Variants in ZGRF1 observed in about 807,000 individuals in gnomAD.
ZGRF1 encodes the protein zinc finger GRF-type containing 1.
A neutral mutation model predicts 203.5 loss-of-function variants in ZGRF1; 196 were observed. The observed-to-expected ratio is 0.96, with a 90% CI of 0.86 to 1.08. The LOEUF is 1.08. Ranked by LOEUF, ZGRF1 falls within the 50% of genes least tolerant of loss-of-function variation. The probability of loss-of-function intolerance (pLI) is 0.00; values close to 1 mark genes in which losing one functional copy is unlikely to be tolerated. For synonymous variants in ZGRF1, 809 were observed against 841.3 expected (o/e 0.96, Z 0.66); for missense variants, 2,326 against 2,416.3 (o/e 0.96, Z 0.78).
intron 16 of ZGRF1, among the ~76,000 whole-genome samples, chr4:112,567,395 G>A (rs777722830): frequency 1.6e-4 from 25 of 151,968 alleles, no homozygotes; most frequent in Non-Finnish European, 3.2e-4. Flanking sequence ...ATATAGAAAA[G>A]GGAAAGCCAG....
In ZGRF1 at chr4:112,631,938, CTAAG is replaced by C. The variant is rs1299309220; in HGVS notation, c.90_93del (p.His30GlnfsTer25). The stretch of plus-strand genomic sequence containing the variant: ...AACTGCTTTGTACTCACTTTGTTTC[CTAAG>C]TGAGTGATCTTCAGAATTCCATCTT... On this transcript the variant is annotated frameshift_variant, in exon 3 of 28. Transcript: ENST00000505019. LOFTEE classifies it high-confidence loss of function. 6.3e-7 allele frequency: 1 copy of C among 1,592,940 alleles called. No individual in the cohort carries two copies. The highest frequency in any genetic ancestry group is 1.2e-5 in the South Asian group (1 of 86,268).
chr4:112,585,773 T>C (rs751634686), intron 13 of ZGRF1, 48 bp from the exon 14 acceptor site: 12 of 1,437,980 alleles, frequency 8.3e-6, no homozygotes, highest in Non-Finnish European at 1.1e-5. Context: ...CAAAATAATT[T>C]TGTTTGTATC....
Position 112,560,982 on chromosome 4 carries a change from T to C in ZGRF1, c.4711A>G (p.Ile1571Val), listed in dbSNP as rs73841072. Residue 1571 changes from isoleucine (I) to valine (V), a missense_variant, in exon 19 of 28, where the codon ATA becomes GTA. Physicochemically the swap from Ile to Val is conservative, Grantham distance 29. Transcript: ENST00000505019. ...TTACTGACTCTTTTGTTACTAACTA[T>C]AGTTGGCGAAGACCTAATAAAAATG... ...QYLLTTSSPT[I>V]VSNKRVSKRK... is the part of the protein sequence containing the mutation. The C allele has an allele frequency of 8.6e-4, 1,387 of 1,608,590 alleles. 6 individuals carry two copies. The African/African-American group carries it at 0.014, about 16-fold the overall frequency.
intron 16 of ZGRF1, chr4:112,565,511 A>T (rs1237278543): frequency 1.6e-6 from 1 of 618,836 alleles, no homozygotes; most frequent in Non-Finnish European, 2.8e-6. Flanking sequence ...TGGGGTCAAA[A>T]AAAGAGCTTC....
chr4:112,571,094 C>A, intron 16 of ZGRF1, among the ~76,000 whole-genome samples: 1 of 128,378 alleles, frequency 7.8e-6, no homozygotes. Context: ...CAGAGCCAGA[C>A]TGCATTTCAA....
chr4:112,554,496 G>A (rs1028418450), intron 21 of ZGRF1, among the ~76,000 whole-genome samples: 2 of 152,074 alleles, frequency 1.3e-5, no homozygotes, highest in Non-Finnish European at 2.9e-5. Flanking sequence ...ATACTATGCA[G>A]CCACAAAAAA....
In ZGRF1 at chr4:112,617,841, C is replaced by T; in HGVS notation, c.2201G>A (p.Ser734Asn). ...DEHVLPSTSS[S>N]DNSVQLLNTN... ...ATTTAATAGTTGGACACTGTTGTCA[C>T]TACTAGAAGTTGAGGGTAAAACATG... The change falls in exon 6 of 28, where the codon AGT becomes AAT. Residue 734 changes from serine to asparagine, a missense_variant. By Grantham distance (46) the Ser-to-Asn change is conservative. Coordinates refer to ENST00000505019, the MANE Select transcript of ZGRF1 (RefSeq NM_018392.5). 6.2e-7 allele frequency: 1 copy of T among 1,614,050 alleles called. No homozygotes were observed. Among genetic ancestry groups the T allele is most frequent in the Non-Finnish European group, 8.5e-7 (1 of 1,179,976 alleles).
At position 112,618,665 on chromosome 4, in the gene ZGRF1, A is replaced by T. The variant is rs751455765; in HGVS notation, c.1377T>A (p.Ala459=). 2.5e-6 allele frequency: 4 copies of T among 1,612,926 alleles called. No homozygotes were observed. The Admixed American group carries it at 6.7e-5, about 27-fold the overall frequency. Reference sequence around the variant, plus strand: ...GTGTTCCACATGTATTTACCTCCTGAGCATTTTCTTTAATGAGAACTGATC... The same window carrying T: ...GTGTTCCACATGTATTTACCTCCTGTGCATTTTCTTTAATGAGAACTGATC... ...IKGSVLIKEN[A]QEVNTCGTLE... Residue 459 remains alanine, a synonymous_variant, in exon 6 of 28, where the codon GCT becomes GCA. Coordinates refer to ENST00000505019, the MANE Select transcript of ZGRF1 (RefSeq NM_018392.5).
chr4:112,542,167 C>T (rs1395228944), intron 24 of ZGRF1, among the ~76,000 whole-genome samples: 1 of 152,048 alleles, frequency 6.6e-6, no homozygotes, highest in Admixed American at 6.6e-5. Flanking sequence ...CATGGTAAAA[C>T]CCCGTCTCTA....
chr4:112,632,091 C>A lies in ZGRF1; in HGVS notation c.22-81G>T, dbSNP rs574715812. The A allele has an allele frequency of 3.1e-5, 18 of 588,596 alleles. 1 individual carries two copies. In the South Asian group the frequency reaches 4.4e-4, roughly 14 times the overall value. The allele number at this position is 588,596 out of a possible 1,614,324, so 36.5% of individuals were successfully genotyped here. A position where few individuals can be genotyped will look rare whatever the true frequency, so the allele number is the denominator to read the frequency against. On this transcript the variant is annotated intron_variant, in intron 2 of 27. Transcript: ENST00000505019. The stretch of plus-strand genomic sequence containing the variant: ...GTATTTTATATATCCTTCCTACATA[C>A]AAAATATATTTAAGGCACCTTTCAT...
intron 7 of ZGRF1, among the ~76,000 whole-genome samples, chr4:112,612,185 C>G (rs1376220138): frequency 6.6e-6 from 1 of 152,082 alleles, no homozygotes; most frequent in Non-Finnish European, 1.5e-5. Context: ...AGGCTGGTCT[C>G]GAATTCCTGA....
intron 24 of ZGRF1, among the ~76,000 whole-genome samples, chr4:112,543,739 G>T (rs563221776): frequency 6.6e-6 from 1 of 152,306 alleles, no homozygotes; most frequent in Non-Finnish European, 1.5e-5. Context: ...ATGGTTGGGG[G>T]ACAGGAGGAG....
chr4:112,569,716 A>T (rs1743857737), intron 16 of ZGRF1, among the ~76,000 whole-genome samples: 1 of 152,236 alleles, frequency 6.6e-6, no homozygotes, highest in Non-Finnish European at 1.5e-5. Context: ...AAAGAAACAC[A>T]TCCAGGTGTC....
At chr4:112,548,459 G>C in intron 22 of ZGRF1, 79 bp from the exon 23 acceptor site, 1 of 1,167,986 alleles carries the variant, frequency 8.6e-7, no homozygotes, top group South Asian at 1.7e-5. Flanking sequence ...GAACTTGTAG[G>C]CTAAAATTAG....
chr4:112,558,513 G>A (rs546174907), intron 19 of ZGRF1, among the ~76,000 whole-genome samples: 33 of 152,074 alleles, frequency 2.2e-4, no homozygotes, highest in Non-Finnish European at 4.1e-4. Flanking sequence ...GATTACCGGC[G>A]TGCACCACCA....
rs1343093589 is a variant in ZGRF1, at chr4:112,624,692, C to T, written c.103-816G>A. 3.3e-5 allele frequency among the ~76,000 whole-genome samples: 5 copies of T among 151,992 alleles called. No individual in the cohort carries two copies. The East Asian group carries it at 9.6e-4, about 29-fold the overall frequency. On this transcript the variant is annotated intron_variant, in intron 3 of 27. Coordinates refer to ENST00000505019, the MANE Select transcript of ZGRF1 (RefSeq NM_018392.5). ...GGGAAAAAGGATGCTAAGGTGATTA[C>T]CATTTTCTAGCTTTTCCCTTATGTC...
intron 1 of ZGRF1, among the ~76,000 whole-genome samples, chr4:112,635,980 G>T (rs544440835): frequency 6.6e-6 from 1 of 151,326 alleles, no homozygotes; most frequent in East Asian, 1.9e-4. Context: ...AAAAAAAAAA[G>T]CTAACTGGAT....
intron 10 of ZGRF1, among the ~76,000 whole-genome samples, chr4:112,590,832 AG>A (rs1466479888): frequency 6.6e-6 from 1 of 151,128 alleles, no homozygotes; most frequent in African/African-American, 2.4e-5. Flanking sequence ...AGGCTGAGAC[AG>A]GGGAACCACT....
chr4:112,564,000 G>A (rs78116557), intron 16 of ZGRF1, among the ~76,000 whole-genome samples: 10,738 of 152,202 alleles, frequency 0.071, 514 homozygotes, highest in Non-Finnish European at 0.098. Flanking sequence ...AAATTTCAAA[G>A]TATGTATTTG....
Sources: gnomAD v4.1 joint callset for allele counts (sites outside exome capture counted in the v4.1 genomes callset) on GRCh38, gnomAD v4.1.1 for gene constraint, MANE v1.5 for transcripts, NCBI Gene and HGNC (gene_info 2026-07-23, HGNC 2026-07-21) for gene names.